Variants in ALDH5A1 observed in about 807,000 individuals in gnomAD.
The protein encoded by ALDH5A1 is aldehyde dehydrogenase 5 family member A1.
In ALDH5A1, 33 loss-of-function variants were observed where a neutral mutation model predicts 54.7. That is an observed-to-expected ratio of 0.60 (90% confidence interval 0.46 to 0.81). ALDH5A1 has a LOEUF of 0.81. ALDH5A1 is among the 30% of genes least tolerant of loss of function. The probability of loss-of-function intolerance (pLI) is 0.00; values close to 1 mark genes in which losing one functional copy is unlikely to be tolerated. For synonymous variants in ALDH5A1, 294 were observed against 292.7 expected, an observed-to-expected ratio of 1.00 and a Z score of -0.05; for missense variants, 657 against 711.0, an observed-to-expected ratio of 0.92 and a Z score of 0.86.
rs762014234 is a variant in ALDH5A1, at chr6:24,495,017, G to A, written c.21G>A (p.Leu7=). ...GGGCCATGGCGACCTGCATTTGGCT[G>A]CGGAGCTGTGGGGCCCGGCGCCTCG... The part of the protein sequence containing the change: MATCIW[L]RSCGARRLGS... Residue 7 remains leucine (L), a synonymous_variant, in exon 1 of 10, where the codon CTG becomes CTA. Transcript: ENST00000357578. 3 of 1,329,632 alleles carry A rather than the reference G, an allele frequency of 2.3e-6. No homozygotes were observed. The highest frequency in any genetic ancestry group is 6.1e-5 in the Admixed American group (2 of 32,786). 82.4% of individuals were successfully genotyped at this position (1,329,632 alleles called of 1,614,324 possible).
chr6:24,521,857 ATTTTTTTTTT>A (rs71542679), intron 6 of ALDH5A1, among the ~76,000 whole-genome samples: 82 of 98,232 alleles, frequency 8.3e-4, no homozygotes, highest in African/African-American at 3.5e-3. Context: ...TGTCTCTACA[ATTTTTTTTTT>A]TTTTTTTTTT....
In ALDH5A1 at chr6:24,495,287, G is replaced by A. The variant is rs973569793; in HGVS notation, c.291G>A (p.Glu97=). The A allele has an allele frequency of 6.5e-6, 10 of 1,532,454 alleles. No individual in the cohort carries two copies. Among genetic ancestry groups the A allele is most frequent in the South Asian group, 1.2e-5 (1 of 83,914 alleles). 94.9% of individuals were successfully genotyped at this position (1,532,454 alleles called of 1,614,324 possible). A position where few individuals can be genotyped will look rare whatever the true frequency, so the allele number is the denominator to read the frequency against. ...TGGTAGCCGACTGCGGGGTGCGAGA[G>A]GCCCGCGCCGCCGTGCGCGCTGCCT... The part of the protein sequence containing the change: ...LGMVADCGVR[E]ARAAVRAAYE... The change falls in exon 1 of 10, where the codon GAG becomes GAA. Residue 97 remains glutamate, a synonymous_variant. Coordinates refer to ENST00000357578, the MANE Select transcript of ALDH5A1 (RefSeq NM_001080.3).
chr6:24,505,843 A>C (rs1462473436), intron 4 of ALDH5A1, among the ~76,000 whole-genome samples: 1 of 151,956 alleles, frequency 6.6e-6, no homozygotes, highest in African/African-American at 2.4e-5. Context: ...TGGCATGTGC[A>C]TGTAATCCCA....
At chr6:24,511,805 A>C (rs2127384767) in intron 4 of ALDH5A1, 1 of 488,898 alleles carries the variant, frequency 2.0e-6, no homozygotes, top group African/African-American at 2.0e-5. Flanking sequence ...TAGCTTAATA[A>C]ATAACTATCT....
chr6:24,504,737 AC>A (rs1434796801), intron 3 of ALDH5A1, 131 bp from the exon 4 acceptor site: 1 of 892,124 alleles, frequency 1.1e-6, no homozygotes, highest in East Asian at 2.4e-5. Context: ...CTGAGAGCTC[AC>A]CTGTGCAGCC....
chr6:24,527,588 AT>A (rs1467340735), intron 7 of ALDH5A1, among the ~76,000 whole-genome samples: 1 of 151,278 alleles, frequency 6.6e-6, no homozygotes, highest in African/African-American at 2.5e-5. Flanking sequence ...AAATAAATAA[AT>A]AACAACTACT....
chr6:24,515,481 T>G (rs1759552748), intron 5 of ALDH5A1, among the ~76,000 whole-genome samples, 171 bp downstream of exon 5: 2 of 152,168 alleles, frequency 1.3e-5, no homozygotes, highest in South Asian at 4.1e-4. Flanking sequence ...TTCCAGCACT[T>G]TGGGATGCTG....
At position 24,495,165 on chromosome 6, in the gene ALDH5A1, G is replaced by A. The variant is rs1290260907; in HGVS notation, c.169G>A (p.Ala57Thr). The A allele has an allele frequency of 2.0e-6, 3 of 1,479,228 alleles. No individual in the cohort carries two copies. Among genetic ancestry groups the A allele is most frequent in the Non-Finnish European group, 8.9e-7 (1 of 1,122,350 alleles). The allele number at this position is 1,479,228 out of a possible 1,614,324, so 91.6% of individuals were successfully genotyped here. ...TGGGCGCCTGGCGGGCCTCTCTGCG[G>A]CGCTGCTGCGCACCGACAGCTTCGT... ...YAGRLAGLSA[A>T]LLRTDSFVGG... Residue 57 changes from alanine (A) to threonine (T), a missense_variant, in exon 1 of 10, where the codon GCG (alanine) becomes ACG (threonine). Physicochemically the swap from Ala to Thr is moderately conservative, Grantham distance 58. Coordinates refer to ENST00000357578, the MANE Select transcript of ALDH5A1 (RefSeq NM_001080.3).
At position 24,495,860 on chromosome 6, in the gene ALDH5A1, G is replaced by A. The variant is rs1406315005; in HGVS notation, c.354+510G>A. Among the ~76,000 whole-genome samples, 8 of 152,336 alleles carry A rather than the reference G, an allele frequency of 5.3e-5. No homozygotes were observed. In the East Asian group the frequency reaches 1.4e-3, roughly 26 times the overall value. On this transcript the variant is annotated intron_variant, in intron 1 of 9. Transcript: ENST00000357578. Reference sequence around the variant, plus strand: ...CGGAGAGAACTGTAGAAAGATTTGGGTTTTGTGCAGGGGAAGAGAGAAATC... The same window carrying A: ...CGGAGAGAACTGTAGAAAGATTTGGATTTTGTGCAGGGGAAGAGAGAAATC...
In ALDH5A1 at chr6:24,509,127, C is replaced by G. The variant is rs1374237212; in HGVS notation, c.726+4142C>G. Reference sequence around the variant, plus strand: ...CAAAAGCTCTTTAGTTTATTTAAGTCCCAGCTATTTATCTTTGTTTTAGTT... The same window carrying G: ...CAAAAGCTCTTTAGTTTATTTAAGTGCCAGCTATTTATCTTTGTTTTAGTT... On this transcript the variant is annotated intron_variant, in intron 4 of 9. Coordinates refer to ENST00000357578, the MANE Select transcript of ALDH5A1 (RefSeq NM_001080.3). The surrounding 1 kb of genome is among the most constrained non-coding windows in gnomAD (Gnocchi z 4.7). 8.1e-5 allele frequency among the ~76,000 whole-genome samples: 12 copies of G among 147,306 alleles called. No homozygotes were observed. The Admixed American group carries it at 8.2e-4, about 10-fold the overall frequency.
chr6:24,532,035 T>C, intron 8 of ALDH5A1, 84 bp from the exon 9 acceptor site: 3 of 1,297,396 alleles, frequency 2.3e-6, no homozygotes, highest in South Asian at 2.4e-5. Flanking sequence ...TTGTGATTAT[T>C]TGGGAAACAA....
chr6:24,522,740 G>A, intron 6 of ALDH5A1, 27 bp from the exon 7 acceptor site: 2 of 1,612,986 alleles, frequency 1.2e-6, no homozygotes, highest in Non-Finnish European at 8.5e-7. Flanking sequence ...GACAGACTGT[G>A]TGGGTTTGTT....
intron 5 of ALDH5A1, among the ~76,000 whole-genome samples, chr6:24,516,315 A>C (rs9467211): frequency 1.3e-5 from 2 of 151,562 alleles, no homozygotes; most frequent in Non-Finnish European, 2.9e-5. Context: ...GGGCGCCTGT[A>C]GTCCCACCTA....
At chr6:24,507,646 T>G (rs1260612818) in intron 4 of ALDH5A1, among the ~76,000 whole-genome samples, 1 of 151,966 alleles carries the variant, frequency 6.6e-6, no homozygotes, top group Non-Finnish European at 1.5e-5. Context: ...ATTGGTTTGG[T>G]TTTACTCCCT....
rs1033188583 is a variant in ALDH5A1, at chr6:24,536,221, G to A, written c.*2509G>A. On this transcript the variant is annotated 3_prime_UTR_variant, in exon 10 of 10. Coordinates refer to ENST00000357578, the MANE Select transcript of ALDH5A1 (RefSeq NM_001080.3). Reference sequence around the variant, plus strand: ...CAGGGGTTGGCAAACTATGGCCCACGAATCAAACCTGGCCTGCCACCTGTT... The same window carrying A: ...CAGGGGTTGGCAAACTATGGCCCACAAATCAAACCTGGCCTGCCACCTGTT... 2 of 152,174 alleles carry A rather than the reference G, an allele frequency of 1.3e-5. No homozygotes were observed. Among genetic ancestry groups the A allele is most frequent in the African/African-American group, 2.4e-5 (1 of 41,446 alleles). The allele number at this position is 152,174 out of a possible 1,614,324, so 9.4% of individuals were successfully genotyped here.
At chr6:24,508,935 T>C (rs143006192) in intron 4 of ALDH5A1, among the ~76,000 whole-genome samples, 146 of 152,334 alleles carry the variant, frequency 9.6e-4, no homozygotes, top group Non-Finnish European at 1.6e-3. Flanking sequence ...GAATTGTCTA[T>C]TATGTTCTTA....
intron 1 of ALDH5A1, among the ~76,000 whole-genome samples, chr6:24,501,945 A>ATG (rs1288911559): frequency 6.7e-6 from 1 of 149,704 alleles, no homozygotes; most frequent in African/African-American, 2.5e-5. Flanking sequence ...GTGTGTATAT[A>ATG]TATATGTGTA....
At position 24,495,315 on chromosome 6, in the gene ALDH5A1, G is replaced by A. The variant is rs867767856; in HGVS notation, c.319G>A (p.Glu107Lys). ...CCGCGCCGCCGTGCGCGCTGCCTAC[G>A]AGGCTTTCTGCCGCTGGAGGGAGGT... is the stretch of plus-strand genomic sequence containing the variant. The part of the protein sequence containing the change: ...EARAAVRAAY[E>K]AFCRWREVSA... Residue 107 changes from glutamate (E) to lysine (K), a missense_variant, in exon 1 of 10, where the codon GAG becomes AAG. Glu to Lys is a moderately conservative substitution (Grantham distance 56). Around this residue, in one of 2 missense-constraint regions of ALDH5A1, gnomAD observed 232 missense variants for 194.6 expected, o/e 1.19. Coordinates refer to ENST00000357578, the MANE Select transcript of ALDH5A1 (RefSeq NM_001080.3). 2.6e-6 allele frequency: 4 copies of A among 1,533,190 alleles called. No homozygotes were observed. The East Asian group carries it at 9.8e-5, about 38-fold the overall frequency. The allele number at this position is 1,533,190 out of a possible 1,614,324, so 95.0% of individuals were successfully genotyped here.
chr6:24,503,567 G>C, intron 3 of ALDH5A1, 134 bp downstream of exon 3: 1 of 1,067,876 alleles, frequency 9.4e-7, no homozygotes, highest in East Asian at 2.6e-5. Flanking sequence ...TGATGCTTTT[G>C]CTGGATGTGG....
Sources: allele counts gnomAD v4.1 joint callset (sites outside exome capture counted in the v4.1 genomes callset), GRCh38; gene constraint gnomAD v4.1.1; regional missense constraint gnomAD v4.1.1; non-coding constraint Gnocchi (gnomAD v3.1); transcripts MANE v1.5; gene names NCBI Gene and HGNC (gene_info 2026-07-23, HGNC 2026-07-21).